The following NRXN1 variants were observed in gnomAD, a reference collection of about 807,000 sequenced individuals.
NRXN1 encodes the protein neurexin 1.
In NRXN1, 39 loss-of-function variants were observed where a neutral mutation model predicts 150.9. That is an observed-to-expected ratio of 0.26 (90% CI 0.20 to 0.34). The LOEUF is 0.34. NRXN1 is among the 10% of genes least tolerant of loss of function. NRXN1 has a pLI of 1.00. For missense variants in NRXN1, 1,815 were observed against 1,949.9 expected (o/e 0.93, Z 1.30); for synonymous variants, 924 against 757.0 (o/e 1.22, Z -3.62).
intron 18 of NRXN1, among the ~76,000 whole-genome samples, chr2:50,161,717 T>A (rs2059374392): frequency 6.6e-6 from 1 of 152,146 alleles, no homozygotes; most frequent in South Asian, 2.1e-4. Flanking sequence ...TGCATAATAT[T>A]ATTATCTGTT....
chr2:50,084,124 G>A (rs1422582778), intron 19 of NRXN1, among the ~76,000 whole-genome samples: 1 of 152,214 alleles, frequency 6.6e-6, no homozygotes, highest in Non-Finnish European at 1.5e-5. Flanking sequence ...CCCTTGGCTA[G>A]ACATAAAGGT....
intron 17 of NRXN1, among the ~76,000 whole-genome samples, chr2:50,363,984 AC>A (rs1427562732): frequency 3.3e-5 from 5 of 152,118 alleles, no homozygotes; most frequent in Admixed American, 3.3e-4. Context: ...GCAAACTAAC[AC>A]AGGAACAGAA....
intron 17 of NRXN1, among the ~76,000 whole-genome samples, chr2:50,390,057 T>C (rs369101766): frequency 6.6e-6 from 1 of 152,194 alleles, no homozygotes; most frequent in Admixed American, 6.5e-5. Context: ...TCGTCTTAAA[T>C]AGTAGTATTA....
At chr2:50,279,450 T>C (rs1451698435) in intron 17 of NRXN1, among the ~76,000 whole-genome samples, 1 of 152,180 alleles carries the variant, frequency 6.6e-6, no homozygotes, top group African/African-American at 2.4e-5. Flanking sequence ...TGTCCTAAAA[T>C]ACTGTATGCA....
chr2:50,198,807 C>T (rs2061944233), intron 18 of NRXN1, among the ~76,000 whole-genome samples: 1 of 152,236 alleles, frequency 6.6e-6, no homozygotes, highest in South Asian at 2.1e-4. Flanking sequence ...TTCTTGTACT[C>T]TGCAAATTTC....
intron 15 of NRXN1, among the ~76,000 whole-genome samples, chr2:50,474,503 G>A (rs1307847896): frequency 6.6e-6 from 1 of 151,534 alleles, no homozygotes; most frequent in Non-Finnish European, 1.5e-5. Flanking sequence ...GTTTCAAGGA[G>A]TAATGCAAAC....
At chr2:50,307,872 A>G (rs1353300533) in intron 17 of NRXN1, among the ~76,000 whole-genome samples, 1 of 152,218 alleles carries the variant, frequency 6.6e-6, no homozygotes, top group Non-Finnish European at 1.5e-5. Context: ...GGTTCCAGGT[A>G]ATCAATGATA....
At chr2:50,050,796 CCATACATA>C (rs1692593916) in intron 21 of NRXN1, among the ~76,000 whole-genome samples, 1 of 151,862 alleles carries the variant, frequency 6.6e-6, no homozygotes, top group Non-Finnish European at 1.5e-5. Flanking sequence ...TGTTTTTTCC[CCATACATA>C]CATGTGTTGT....
intron 11 of NRXN1, among the ~76,000 whole-genome samples, chr2:50,530,514 T>C (rs936029725): frequency 2.6e-5 from 4 of 152,154 alleles, no homozygotes; most frequent in African/African-American, 9.7e-5. Context: ...TTCAGCCTGG[T>C]TTTTCCCCAT....
At chr2:50,357,851 T>C (rs1267397591) in intron 17 of NRXN1, among the ~76,000 whole-genome samples, 1 of 151,956 alleles carries the variant, frequency 6.6e-6, no homozygotes, top group Admixed American at 6.6e-5. Context: ...AGAAGGCAGG[T>C]GATTTCTGCA....
intron 8 of NRXN1, among the ~76,000 whole-genome samples, chr2:50,554,810 T>C (rs181364084): frequency 6.6e-5 from 10 of 152,280 alleles, no homozygotes; most frequent in South Asian, 4.1e-4. Flanking sequence ...TTTACCTTTA[T>C]CTTGGAGAAG....
chr2:50,830,335 GTTCACT>G (rs1559324847), intron 5 of NRXN1, among the ~76,000 whole-genome samples: 2 of 152,026 alleles, frequency 1.3e-5, no homozygotes, highest in African/African-American at 4.8e-5. Context: ...CAAGCCCCAT[GTTCACT>G]TTTGAATAAT....
At chr2:49,927,958 A>T (rs1669400930) in intron 22 of NRXN1, among the ~76,000 whole-genome samples, 1 of 152,066 alleles carries the variant, frequency 6.6e-6, no homozygotes, top group Admixed American at 6.5e-5. Context: ...TTCAGTATAG[A>T]CTGTTAATGT....
At chr2:50,430,148 A>C (rs924363162) in intron 17 of NRXN1, among the ~76,000 whole-genome samples, 2 of 152,148 alleles carry the variant, frequency 1.3e-5, no homozygotes, top group African/African-American at 4.8e-5. Context: ...ACTGTCACTC[A>C]ATTGAACTCT....
At chr2:50,915,254 TC>T (rs1685053807) in intron 5 of NRXN1, among the ~76,000 whole-genome samples, 1 of 151,758 alleles carries the variant, frequency 6.6e-6, no homozygotes, top group East Asian at 2.0e-4. Flanking sequence ...AATGTGGTAT[TC>T]AGATAACTAG....
At chr2:49,940,539 A>G (rs747502547) in intron 22 of NRXN1, among the ~76,000 whole-genome samples, 5 of 152,208 alleles carry the variant, frequency 3.3e-5, no homozygotes, top group Non-Finnish European at 5.9e-5. Context: ...GCCCATGATG[A>G]AACATTATTC....
chr2:50,750,147 C>CAAT (rs1189739060), intron 5 of NRXN1, among the ~76,000 whole-genome samples: 1 of 151,738 alleles, frequency 6.6e-6, no homozygotes, highest in Non-Finnish European at 1.5e-5. Flanking sequence ...CAAACTAAAA[C>CAAT]AATAATAATA....
At chr2:50,241,990 C>A (rs2066043609) in intron 17 of NRXN1, among the ~76,000 whole-genome samples, 1 of 151,798 alleles carries the variant, frequency 6.6e-6, no homozygotes, top group South Asian at 2.1e-4. Flanking sequence ...AGTAGATTAG[C>A]TTCTAACTCA....
intron 5 of NRXN1, among the ~76,000 whole-genome samples, chr2:50,684,340 A>G (rs544768233): frequency 6.6e-6 from 1 of 151,936 alleles, no homozygotes; most frequent in Admixed American, 6.6e-5. Context: ...CCGTCACTAC[A>G]AAAAAATACA....
Sources: allele counts gnomAD v4.1 joint callset (sites outside exome capture counted in the v4.1 genomes callset), GRCh38; gene constraint gnomAD v4.1.1; transcripts MANE v1.5; gene names NCBI Gene and HGNC (gene_info 2026-07-23, HGNC 2026-07-21).